Variants in DHX8 observed in about 807,000 individuals in gnomAD.
The protein encoded by DHX8 is ATP-dependent RNA helicase DHX8.
DHX8 carries 67 observed loss-of-function variants against 140.7 expected under a neutral mutation model. The ratio of observed to expected loss-of-function variants is 0.48; its 90% confidence interval spans 0.39 to 0.58. DHX8 has a LOEUF of 0.58. DHX8 is among the 20% of genes least tolerant of loss of function. DHX8 has a pLI of 0.00. For synonymous variants in DHX8, 533 were observed against 553.2 expected (o/e 0.96, Z 0.51); for missense variants, 887 against 1,550.7 (o/e 0.57, Z 7.19).
At chr17:43,503,207 C>A (rs1486927988) in intron 11 of DHX8, among the ~76,000 whole-genome samples, 1 of 151,630 alleles carries the variant, frequency 6.6e-6, no homozygotes, top group Non-Finnish European at 1.5e-5. Flanking sequence ...TAAAAAAATA[C>A]AAAAATTAGT....
chr17:43,486,469 T>TA (rs895160242), intron 1 of DHX8, among the ~76,000 whole-genome samples: 2 of 152,242 alleles, frequency 1.3e-5, no homozygotes, highest in African/African-American at 4.8e-5. Flanking sequence ...GATTATCATT[T>TA]AAATTAGTGT....
intron 1 of DHX8, among the ~76,000 whole-genome samples, chr17:43,486,753 C>G (rs753516340): frequency 1.3e-5 from 2 of 151,672 alleles, no homozygotes; most frequent in African/African-American, 4.8e-5. Context: ...TGGTGCACGC[C>G]TGTAATCCTA....
chr17:43,529,646 A>G (rs1970783565), downstream of DHX8: 2 of 1,613,546 alleles, frequency 1.2e-6, no homozygotes, highest in Admixed American at 3.3e-5. Flanking sequence ...CCCCTCTCGA[A>G]ATGCACCGAC....
chr17:43,530,824 CCTCCCCCCACTGCA>C (rs1316057800), downstream of DHX8, among the ~76,000 whole-genome samples: 1 of 152,014 alleles, frequency 6.6e-6, no homozygotes, highest in African/African-American at 2.4e-5. Context: ...CCCTTCCCGC[CCTCCCCCCACTGCA>C]CTCCCACCTA....
At chr17:43,511,456 A>ACTTTTTTTTTTTTTT (rs1969821105) in intron 16 of DHX8, among the ~76,000 whole-genome samples, 1 of 56,790 alleles carries the variant, frequency 1.8e-5, no homozygotes, top group African/African-American at 7.7e-5. Flanking sequence ...TGATCCCAGC[A>ACTTTTTTTTTTTTTT]TTTTTTTTTT....
chr17:43,524,271 G>T lies in DHX8; in HGVS notation c.*424G>T. 9.8e-7 allele frequency: 1 copy of T among 1,018,262 alleles called. No homozygotes were observed. Among genetic ancestry groups the T allele is most frequent in the Non-Finnish European group, 1.2e-6 (1 of 850,226 alleles). 63.1% of individuals were successfully genotyped at this position (1,018,262 alleles called of 1,614,324 possible). On this transcript the variant is annotated 3_prime_UTR_variant, in exon 23 of 23. Coordinates refer to ENST00000262415, the MANE Select transcript of DHX8 (RefSeq NM_004941.3). ...ACTTCCCACCCCGTCTCCAGCCCCT[G>T]TACTTTGGCTTGACCTCGTGGAAAT... is the stretch of plus-strand genomic sequence containing the variant.
intron 3 of DHX8, 134 bp downstream of exon 3, chr17:43,490,597 G>A: frequency 1.4e-6 from 1 of 725,752 alleles, no homozygotes; most frequent in Admixed American, 3.0e-5. Context: ...AATGGGCTGG[G>A]CCTAGCGGCT....
At chr17:43,505,243 A>G (rs1415509966) in intron 12 of DHX8, among the ~76,000 whole-genome samples, 2 of 152,138 alleles carry the variant, frequency 1.3e-5, no homozygotes, top group South Asian at 2.1e-4. Flanking sequence ...CCTTGTCTCT[A>G]CTAAAAATAC....
rs773433979 is a variant in DHX8 at position 43,496,181 on chromosome 17, A to T, written c.1213A>T (p.Met405Leu). 1.1e-5 allele frequency: 18 copies of T among 1,613,128 alleles called. No homozygotes were observed. The change falls in exon 9 of 23, where the codon ATG becomes TTG. Residue 405 changes from methionine (M) to leucine (L), a missense_variant and splice_region_variant. Transcript: ENST00000262415. ...SDPEKWEIKQ[M>L]IAANVLSKEE... ...ATGCTGCCTTCTCTTCTTTGGCTAG[A>T]TGATTGCTGCCAATGTCCTTTCCAA...
In DHX8 at chr17:43,498,920, T is replaced by C. The variant is rs1310525766; in HGVS notation, c.1359T>C (p.Thr453=). Residue 453 remains threonine, a synonymous_variant, in exon 10 of 23, where the codon ACT becomes ACC. Coordinates refer to ENST00000262415, the MANE Select transcript of DHX8 (RefSeq NM_004941.3). ...EEEPPFLRGH[T]KQSMDMSPIK... is the part of the protein sequence containing the mutation. ...AGCCTCCATTCCTGAGAGGGCACAC[T>C]AAGCAAAGCATGGACATGAGCCCCA... 1.3e-6 allele frequency: 2 copies of C among 1,590,584 alleles called. No homozygotes were observed. Among genetic ancestry groups the C allele is most frequent in the Non-Finnish European group, 1.7e-6 (2 of 1,172,732 alleles).
intron 11 of DHX8, among the ~76,000 whole-genome samples, chr17:43,501,098 TAGTC>T (rs953546044): frequency 6.6e-6 from 1 of 152,274 alleles, no homozygotes; most frequent in South Asian, 2.1e-4. Context: ...CGCTACAACT[TAGTC>T]GGGGATATGG....
At chr17:43,509,708 G>A (rs1476808924) in intron 16 of DHX8, among the ~76,000 whole-genome samples, 1 of 151,634 alleles carries the variant, frequency 6.6e-6, no homozygotes, top group African/African-American at 2.4e-5. Flanking sequence ...CACTCTTGTT[G>A]CCCAGGCTGG....
chr17:43,507,038 T>G lies in DHX8; in HGVS notation c.1764T>G (p.Gly588=). 6.2e-7 allele frequency: 1 copy of G among 1,612,154 alleles called. No individual in the cohort carries two copies. Among genetic ancestry groups the G allele is most frequent in the East Asian group, 2.2e-5 (1 of 44,858 alleles). Residue 588 remains glycine (G), a synonymous_variant, in exon 13 of 23, where the codon GGT becomes GGG. Transcript: ENST00000262415. ...ACAATCAGATCCTGATTGTCATTGG[T>G]GAGACAGGATCTGGAAAGACAACAC... ...VHDNQILIVI[G]ETGSGKTTQI...
chr17:43,485,639 G>T (rs553969600), intron 1 of DHX8, among the ~76,000 whole-genome samples: 3 of 152,008 alleles, frequency 2.0e-5, no homozygotes, highest in African/African-American at 7.2e-5. Flanking sequence ...ACAGATTTCT[G>T]CTTTCAGGGA....
chr17:43,527,570 A>G (rs1296341180), downstream of DHX8, among the ~76,000 whole-genome samples: 3 of 152,250 alleles, frequency 2.0e-5, no homozygotes, highest in African/African-American at 4.8e-5. Context: ...AAGCAGGCCC[A>G]AAGTGCACAA....
intron 3 of DHX8, among the ~76,000 whole-genome samples, chr17:43,543,083 C>G (rs1971603917): frequency 1.3e-5 from 2 of 152,008 alleles, no homozygotes; most frequent in African/African-American, 4.8e-5. Flanking sequence ...AGCGATCGGC[C>G]TCAGCATCCC....
downstream of DHX8, among the ~76,000 whole-genome samples, chr17:43,531,039 CCCT>C (rs1970904855): frequency 6.6e-6 from 1 of 152,152 alleles, no homozygotes; most frequent in African/African-American, 2.4e-5. Flanking sequence ...AAGAGTGCCT[CCCT>C]CCTCCTCTCC....
chr17:43,505,036 G>C (rs2154586603), intron 12 of DHX8, among the ~76,000 whole-genome samples: 1 of 152,234 alleles, frequency 6.6e-6, no homozygotes, highest in East Asian at 1.9e-4. Context: ...CAGCACATCA[G>C]AGGCCAAGGC....
chr17:43,493,795 C>A lies in DHX8; in HGVS notation c.1121C>A (p.Ser374Tyr), dbSNP rs768231533. The A allele has an allele frequency of 4.3e-6, 7 of 1,614,208 alleles. No homozygotes were observed. The South Asian group carries it at 7.7e-5, about 18-fold the overall frequency. The change falls in exon 8 of 23, where the codon TCC (serine) becomes TAC (tyrosine). Residue 374 changes from serine to tyrosine, a missense_variant. This residue lies in a region of DHX8 where 98 missense variants were observed against 152.7 expected (regional missense o/e 0.64). Coordinates refer to ENST00000262415, the MANE Select transcript of DHX8 (RefSeq NM_004941.3). ...AATCCTGATAGACCCACTCACTTGT[C>A]CCTTGTCAGTGCTCCTGAAGTAGAG... ...MRNPDRPTHL[S>Y]LVSAPEVEDD...
Sources: allele counts gnomAD v4.1 joint callset (sites outside exome capture counted in the v4.1 genomes callset), GRCh38; gene constraint gnomAD v4.1.1; regional missense constraint gnomAD v4.1.1; transcripts MANE v1.5; gene names NCBI Gene and HGNC (gene_info 2026-07-23, HGNC 2026-07-21).